Variants in RALYL observed in about 807,000 individuals in gnomAD.
The protein encoded by RALYL is RNA-binding Raly-like protein.
In RALYL, 29 loss-of-function variants were observed where a neutral mutation model predicts 35.1. That is an observed-to-expected ratio of 0.83 (90% CI 0.61 to 1.13). RALYL has a LOEUF of 1.13. Ranked by LOEUF, RALYL falls within the 50% of genes most tolerant of loss-of-function variation. The probability of loss-of-function intolerance (pLI) is 0.00; values close to 1 mark genes in which losing one functional copy is unlikely to be tolerated. For synonymous variants in RALYL, 120 were observed against 127.6 expected, an observed-to-expected ratio of 0.94 and a Z score of 0.40; for missense variants, 359 against 360.4, an observed-to-expected ratio of 1.00 and a Z score of 0.03.
intron 6 of RALYL, among the ~76,000 whole-genome samples, chr8:84,869,244 T>A (rs965578221): frequency 1.4e-4 from 21 of 152,322 alleles, no homozygotes; most frequent in African/African-American, 4.3e-4. Flanking sequence ...CCTGTGCATA[T>A]CACATGACTT....
chr8:84,848,260 C>T lies in RALYL; in HGVS notation c.366-1720C>T, dbSNP rs150447202. On this transcript the variant is annotated intron_variant, in intron 4 of 8. Transcript: ENST00000521268. ...GTGGAAACAGCCAAGTGTCTATCAA[C>T]AGATGAATGGGTAAAGAAAAAGTGA... 8.6e-5 allele frequency among the ~76,000 whole-genome samples: 13 copies of T among 152,006 alleles called. No individual in the cohort carries two copies. In the East Asian group the frequency reaches 2.5e-3, roughly 29 times the overall value.
intron 1 of RALYL, among the ~76,000 whole-genome samples, chr8:84,396,893 T>TCG (rs1216932071): frequency 2.0e-5 from 3 of 152,190 alleles, no homozygotes; most frequent in Non-Finnish European, 4.4e-5. Context: ...TTAATGTGGT[T>TCG]ATTATAATCT....
chr8:84,281,284 T>C (rs1241666726), intron 1 of RALYL, among the ~76,000 whole-genome samples: 1 of 152,148 alleles, frequency 6.6e-6, no homozygotes, highest in Admixed American at 6.5e-5. Flanking sequence ...AAACATGAGG[T>C]TATTTTTAAT....
intron 3 of RALYL, among the ~76,000 whole-genome samples, chr8:84,802,806 G>C (rs140813024): frequency 0.011 from 1,630 of 152,264 alleles, 18 homozygotes; most frequent in Non-Finnish European, 0.016. Context: ...TAGTGTGAGA[G>C]CAGTGTGTAA....
chr8:84,544,968 TA>T (rs1218222605), intron 2 of RALYL, among the ~76,000 whole-genome samples: 2 of 152,054 alleles, frequency 1.3e-5, no homozygotes, highest in Non-Finnish European at 2.9e-5. Context: ...AGAAAATAAT[TA>T]AATTCATTAA....
chr8:84,238,205 A>C, intron 1 of RALYL, among the ~76,000 whole-genome samples: 1 of 152,102 alleles, frequency 6.6e-6, no homozygotes, highest in East Asian at 1.9e-4. Flanking sequence ...TTGTTTTCAG[A>C]CAGTACGACA....
chr8:84,232,783 T>C (rs1320001639), intron 1 of RALYL, among the ~76,000 whole-genome samples: 1 of 152,116 alleles, frequency 6.6e-6, no homozygotes, highest in Non-Finnish European at 1.5e-5. Context: ...AATATGAATG[T>C]GTGATTATAT....
intron 4 of RALYL, among the ~76,000 whole-genome samples, chr8:84,808,343 T>C (rs530861828): frequency 6.6e-6 from 1 of 152,082 alleles, no homozygotes; most frequent in Non-Finnish European, 1.5e-5. Context: ...TGGGTTCTCT[T>C]CTCTGTTCCA....
chr8:84,795,964 C>G (rs1821816322), intron 3 of RALYL, among the ~76,000 whole-genome samples: 3 of 152,192 alleles, frequency 2.0e-5, no homozygotes, highest in Non-Finnish European at 4.4e-5. Flanking sequence ...CCACAAATGT[C>G]TGCATTTGGG....
intron 1 of RALYL, among the ~76,000 whole-genome samples, chr8:84,436,537 A>G (rs1210992363): frequency 7.3e-6 from 1 of 137,062 alleles, no homozygotes; most frequent in Non-Finnish European, 1.5e-5. Flanking sequence ...TTCAACAATC[A>G]TGGGAGTTTT....
At chr8:84,699,602 G>A (rs1839839967) in intron 2 of RALYL, among the ~76,000 whole-genome samples, 1 of 152,022 alleles carries the variant, frequency 6.6e-6, no homozygotes, top group Non-Finnish European at 1.5e-5. Context: ...TGAGGGTTCT[G>A]CTCCCATGAC....
chr8:84,826,129 C>T (rs1245040830), intron 4 of RALYL, among the ~76,000 whole-genome samples: 1 of 151,802 alleles, frequency 6.6e-6, no homozygotes, highest in East Asian at 1.9e-4. Context: ...AAGATGGCAG[C>T]AGCAGAATCT....
intron 1 of RALYL, among the ~76,000 whole-genome samples, chr8:84,425,794 T>TGA (rs2046355883): frequency 6.6e-6 from 1 of 150,876 alleles, no homozygotes; most frequent in Non-Finnish European, 1.5e-5. Flanking sequence ...TGTGTGTGTG[T>TGA]GTGTGTGTGT....
chr8:84,794,138 C>T (rs909509275), intron 3 of RALYL, among the ~76,000 whole-genome samples: 1 of 152,152 alleles, frequency 6.6e-6, no homozygotes, highest in Non-Finnish European at 1.5e-5. Context: ...GTCAGCTGCT[C>T]CTCCCAACCT....
At chr8:84,186,104 G>A (rs1812454069) in intron 1 of RALYL, among the ~76,000 whole-genome samples, 1 of 152,054 alleles carries the variant, frequency 6.6e-6, no homozygotes, top group Non-Finnish European at 1.5e-5. Context: ...TTTGTTCTCC[G>A]AGTAGCTTTT....
intron 1 of RALYL, among the ~76,000 whole-genome samples, chr8:84,393,045 A>G (rs1048851782): frequency 1.3e-5 from 2 of 152,088 alleles, no homozygotes; most frequent in African/African-American, 4.8e-5. Flanking sequence ...TTCATTATCC[A>G]TTGCTATGTA....
chr8:84,786,899 C>A (rs1434073030), intron 3 of RALYL, among the ~76,000 whole-genome samples: 2 of 152,034 alleles, frequency 1.3e-5, no homozygotes, highest in East Asian at 3.9e-4. Flanking sequence ...ATTATATAAA[C>A]ATCATGACCA....
At chr8:84,444,148 G>T (rs1335502352) in intron 1 of RALYL, among the ~76,000 whole-genome samples, 1 of 152,054 alleles carries the variant, frequency 6.6e-6, no homozygotes, top group Non-Finnish European at 1.5e-5. Flanking sequence ...GGGCAACATA[G>T]TGAGACTCCA....
At chr8:84,596,981 AT>A (rs1814703729) in intron 2 of RALYL, among the ~76,000 whole-genome samples, 1 of 152,116 alleles carries the variant, frequency 6.6e-6, no homozygotes, top group African/African-American at 2.4e-5. Flanking sequence ...GACAAAAAAA[AT>A]GATAGTTGAT....
Sources: gnomAD v4.1 joint callset for allele counts (sites outside exome capture counted in the v4.1 genomes callset) on GRCh38, gnomAD v4.1.1 for gene constraint, MANE v1.5 for transcripts, NCBI Gene and HGNC (gene_info 2026-07-23, HGNC 2026-07-21) for gene names.